The following CDC123 variants were observed in gnomAD, a reference collection of about 807,000 sequenced individuals.
The protein encoded by CDC123 is cell division cycle 123, also known as translation initiation factor eIF2 assembly protein.
CDC123 carries 37 observed loss-of-function variants against 54.4 expected under a neutral mutation model. The ratio of observed to expected loss-of-function variants is 0.68; its 90% CI spans 0.52 to 0.89. The LOEUF (loss-of-function observed/expected upper bound fraction) is 0.89, where lower values mean the gene tolerates loss of function less well. Ranked by LOEUF, CDC123 falls within the 40% of genes least tolerant of loss-of-function variation. The pLI, the probability that CDC123 is intolerant of heterozygous loss-of-function variation, is 0.00. For synonymous variants in CDC123, 144 were observed against 136.8 expected (o/e 1.05, Z -0.37); for missense variants, 361 against 412.1 (o/e 0.88, Z 1.07).
chr10:12,233,890 A>G (rs1835939989), intron 7 of CDC123, among the ~76,000 whole-genome samples: 1 of 151,986 alleles, frequency 6.6e-6, no homozygotes, highest in Non-Finnish European at 1.5e-5. Flanking sequence ...TCTATTAAAT[A>G]ATTATTAATT....
chr10:12,202,569 C>G (rs888812579), intron 2 of CDC123, among the ~76,000 whole-genome samples: 21 of 152,364 alleles, frequency 1.4e-4, no homozygotes, highest in Non-Finnish European at 2.5e-4. Context: ...GACTGCCCCC[C>G]ACTCTGATGT....
At position 12,210,313 on chromosome 10, in the gene CDC123, C is replaced by T. The variant is rs1835580182; in HGVS notation, c.228C>T (p.Ala76=). 6.2e-7 allele frequency: 1 copy of T among 1,613,884 alleles called. No individual in the cohort carries two copies. The highest frequency in any genetic ancestry group is 1.7e-5 in the Admixed American group (1 of 59,972). The change falls in exon 4 of 13, where the codon GCC becomes GCT. Residue 76 remains alanine, a synonymous_variant. Coordinates refer to ENST00000281141, the MANE Select transcript of CDC123 (RefSeq NM_006023.3). ...EIQWSDDENT[A]TLTAPEFPEF... Reference sequence around the variant, plus strand: ...AGTGGTCTGATGATGAGAACACAGCCACGCTTACGGTAAGAGCACAGCAGA... The same window carrying T: ...AGTGGTCTGATGATGAGAACACAGCTACGCTTACGGTAAGAGCACAGCAGA...
intron 4 of CDC123, among the ~76,000 whole-genome samples, chr10:12,210,803 C>A (rs1835587560): frequency 6.6e-6 from 1 of 152,166 alleles, no homozygotes; most frequent in Admixed American, 6.5e-5. Flanking sequence ...CAGGTTCAAG[C>A]TATTCTCCTG....
chr10:12,246,399 CAG>C, intron 11 of CDC123, 122 bp downstream of exon 11: 1 of 1,095,862 alleles, frequency 9.1e-7, no homozygotes, highest in Non-Finnish European at 1.3e-6. Context: ...GAGTGTAACA[CAG>C]CTTTACTAAT....
At chr10:12,206,875 C>T (rs967435962) in intron 2 of CDC123, among the ~76,000 whole-genome samples, 1 of 150,996 alleles carries the variant, frequency 6.6e-6, no homozygotes, top group Non-Finnish European at 1.5e-5. Context: ...AGGAGAATGG[C>T]CTGAACCCGG....
chr10:12,217,777 T>C (rs1444195682), intron 6 of CDC123, among the ~76,000 whole-genome samples: 1 of 152,056 alleles, frequency 6.6e-6, no homozygotes, highest in Non-Finnish European at 1.5e-5. Flanking sequence ...TACAGCTAAA[T>C]AAAAACAGGA....
intron 1 of CDC123, among the ~76,000 whole-genome samples, chr10:12,196,528 G>A (rs931851573): frequency 6.6e-6 from 1 of 152,168 alleles, no homozygotes; most frequent in Non-Finnish European, 1.5e-5. Flanking sequence ...TTTCAGTGAG[G>A]GTCGGAGGCG....
At chr10:12,218,249 T>C (rs1343539378) in intron 6 of CDC123, among the ~76,000 whole-genome samples, 2 of 136,944 alleles carry the variant, frequency 1.5e-5, no homozygotes, top group South Asian at 4.5e-4. Flanking sequence ...TTTTTTTTCT[T>C]TTTTTTTTTT....
At chr10:12,227,475 G>T (rs953797620) in intron 6 of CDC123, among the ~76,000 whole-genome samples, 4 of 151,734 alleles carry the variant, frequency 2.6e-5, no homozygotes, top group African/African-American at 9.7e-5. Flanking sequence ...TACTGGATAT[G>T]TGTACAAAAG....
intron 4 of CDC123, among the ~76,000 whole-genome samples, chr10:12,213,856 A>G (rs1835632830): frequency 6.6e-6 from 1 of 152,188 alleles, no homozygotes; most frequent in Non-Finnish European, 1.5e-5. Context: ...GCCTCCCTGC[A>G]GTATGGGAGA....
intron 6 of CDC123, among the ~76,000 whole-genome samples, chr10:12,226,220 TC>T (rs1835811086): frequency 6.6e-6 from 1 of 152,154 alleles, no homozygotes; most frequent in Non-Finnish European, 1.5e-5. Context: ...TTCCCCCCCT[TC>T]CACTCAACAA....
chr10:12,228,124 G>A (rs181413754), intron 6 of CDC123, among the ~76,000 whole-genome samples: 42 of 151,638 alleles, frequency 2.8e-4, no homozygotes, highest in African/African-American at 8.2e-4. Context: ...TTTTAGAGGC[G>A]GGACCTAGCT....
rs1835736422 is a variant in CDC123, at chr10:12,221,506, T to TCATTGGTCA, written c.440+4041_440+4042insTTGGTCACA. 2.0e-5 allele frequency among the ~76,000 whole-genome samples: 3 copies of TCATTGGTCA among 152,302 alleles called. No homozygotes were observed. The East Asian group carries it at 5.8e-4, about 29-fold the overall frequency. On this transcript the variant is annotated intron_variant, in intron 6 of 12. Transcript: ENST00000281141. ...TGGAGGCCTCCTGGGAGACTTCCTC[T>TCATTGGTCA]CAGCCCTCATTGGTCACAGTTACCC...
At chr10:12,197,469 C>T (rs115313529) in intron 1 of CDC123, among the ~76,000 whole-genome samples, 1 of 144,174 alleles carries the variant, frequency 6.9e-6, no homozygotes, top group Non-Finnish European at 1.5e-5. Context: ...CTTCCCTTCC[C>T]GAGTTCACGC....
intron 6 of CDC123, among the ~76,000 whole-genome samples, chr10:12,229,829 C>G (rs1326841442): frequency 1.3e-5 from 2 of 152,216 alleles, no homozygotes; most frequent in Non-Finnish European, 2.9e-5. Flanking sequence ...CTGAATGGAT[C>G]TATCTGAGTT....
chr10:12,204,992 CAAAAAAA>C (rs35683792), intron 2 of CDC123, among the ~76,000 whole-genome samples: 1 of 64,478 alleles, frequency 1.6e-5, no homozygotes, highest in African/African-American at 5.2e-5. Context: ...GACTCCATAT[CAAAAAAA>C]AAAAAAAAAA....
intron 8 of CDC123, among the ~76,000 whole-genome samples, chr10:12,236,481 C>T (rs1425148327): frequency 6.6e-6 from 1 of 152,016 alleles, no homozygotes; most frequent in African/African-American, 2.4e-5. Flanking sequence ...TGCCTGTAGT[C>T]CCGGCTACTC....
intron 11 of CDC123, chr10:12,247,778 A>G (rs1836175710): frequency 1.3e-5 from 2 of 152,158 alleles, no homozygotes; most frequent in African/African-American, 2.4e-5. Context: ...AGACGGGCGG[A>G]TCAGGAAGTC....
chr10:12,244,707 A>G (rs1315998666), intron 10 of CDC123: 6 of 149,248 alleles, frequency 4.0e-5, no homozygotes, highest in African/African-American at 1.2e-4. Flanking sequence ...TACAGACGGA[A>G]CACTTACCAC....
Sources: gnomAD v4.1 joint callset for allele counts (sites outside exome capture counted in the v4.1 genomes callset) on GRCh38, gnomAD v4.1.1 for gene constraint, MANE v1.5 for transcripts, NCBI Gene and HGNC (gene_info 2026-07-23, HGNC 2026-07-21) for gene names.